Variants in FAM81B observed in about 807,000 individuals in gnomAD.
FAM81B encodes the protein protein FAM81B.
Under a neutral mutation model 58.7 loss-of-function variants are expected in FAM81B, and 60 were observed. The ratio of observed to expected loss-of-function variants is 1.02; its 90% confidence interval spans 0.83 to 1.27. The LOEUF (loss-of-function observed/expected upper bound fraction) is 1.27. Ranked by LOEUF, FAM81B falls within the 50% of genes most tolerant of loss-of-function variation. The pLI is 0.00. For synonymous variants in FAM81B, 189 were observed against 179.6 expected, an observed-to-expected ratio of 1.05 and a Z score of -0.42; for missense variants, 491 against 522.0, an observed-to-expected ratio of 0.94 and a Z score of 0.58.
At chr5:95,429,675 T>C (rs116552527) in intron 6 of FAM81B, among the ~76,000 whole-genome samples, 1,926 of 152,318 alleles carry the variant, frequency 0.013, 42 homozygotes, top group African/African-American at 0.044. Flanking sequence ...AACATGGCAA[T>C]TTTATCTCTG....
intron 3 of FAM81B, among the ~76,000 whole-genome samples, chr5:95,403,029 T>C (rs554171567): frequency 9.6e-4 from 147 of 152,366 alleles, no homozygotes; most frequent in African/African-American, 3.4e-3. Flanking sequence ...TCATATTCCA[T>C]AGTTCACTAC....
intron 3 of FAM81B, among the ~76,000 whole-genome samples, chr5:95,410,111 G>A (rs946369173): frequency 3.9e-5 from 6 of 152,132 alleles, no homozygotes; most frequent in South Asian, 2.1e-4. Context: ...AGGCTATCTC[G>A]ATTTAAAAAA....
chr5:95,402,949 G>A (rs1260406387), intron 3 of FAM81B, among the ~76,000 whole-genome samples: 2 of 152,200 alleles, frequency 1.3e-5, no homozygotes, highest in Non-Finnish European at 2.9e-5. Flanking sequence ...TGGAGCCTGT[G>A]TTCTACCCTC....
At chr5:95,412,032 TGAA>T (rs1452183229) in intron 3 of FAM81B, among the ~76,000 whole-genome samples, 1 of 152,118 alleles carries the variant, frequency 6.6e-6, no homozygotes, top group Non-Finnish European at 1.5e-5. Flanking sequence ...ATTCAACGTT[TGAA>T]AAAGTATATT....
intron 3 of FAM81B, among the ~76,000 whole-genome samples, chr5:95,402,889 G>A (rs1263664427): frequency 2.0e-5 from 3 of 152,164 alleles, no homozygotes; most frequent in Non-Finnish European, 2.9e-5. Context: ...AATAGGCCTT[G>A]TTGGCCCTGT....
At chr5:95,443,371 C>T (rs950067425) in intron 7 of FAM81B, among the ~76,000 whole-genome samples, 2 of 152,004 alleles carry the variant, frequency 1.3e-5, no homozygotes, top group African/African-American at 4.8e-5. Context: ...AACCAATAGC[C>T]CTCATCATCC....
At chr5:95,430,171 T>C (rs1297389841) in intron 6 of FAM81B, among the ~76,000 whole-genome samples, 1 of 152,090 alleles carries the variant, frequency 6.6e-6, no homozygotes, top group African/African-American at 2.4e-5. Context: ...TTAAAGATAA[T>C]GCATACACAT....
chr5:95,408,740 T>G (rs984809613), intron 3 of FAM81B, among the ~76,000 whole-genome samples: 2 of 152,222 alleles, frequency 1.3e-5, no homozygotes, highest in African/African-American at 4.8e-5. Context: ...ATCATGAAGA[T>G]TCAATAGATG....
At chr5:95,398,689 G>A (rs1194946024) in intron 3 of FAM81B, among the ~76,000 whole-genome samples, 1 of 152,170 alleles carries the variant, frequency 6.6e-6, no homozygotes, top group Non-Finnish European at 1.5e-5. Flanking sequence ...ATCTAATAAT[G>A]CGTTTGGAGC....
intron 7 of FAM81B, among the ~76,000 whole-genome samples, chr5:95,439,234 G>C (rs1745220101): frequency 2.0e-5 from 1 of 51,164 alleles, no homozygotes; most frequent in Non-Finnish European, 3.9e-5. Flanking sequence ...CTAGGTTAAA[G>C]AGTATATATA....
In FAM81B at chr5:95,392,835, G is replaced by C; in HGVS notation, c.166G>C (p.Glu56Gln). The C allele has an allele frequency of 6.2e-7, 1 of 1,612,540 alleles. No homozygotes were observed. The highest frequency in any genetic ancestry group is 8.5e-7 in the Non-Finnish European group (1 of 1,179,368). ...NKSASPTATA[E>Q]EQPVEPDGPL... ...AAGTGCCTCTCCAACTGCGACTGCA[G>C]AGGAACAGCCAGTTGAACCTGATGG... The change falls in exon 2 of 10, where the codon GAG (glutamate) becomes CAG (glutamine). Residue 56 changes from glutamate to glutamine, a missense_variant. Physicochemically the swap from Glu to Gln is conservative, Grantham distance 29. Coordinates refer to ENST00000283357, the MANE Select transcript of FAM81B (RefSeq NM_152548.3).
At position 95,420,213 on chromosome 5, in the gene FAM81B, C is replaced by T. The variant is rs1228247981; in HGVS notation, c.538-71C>T. On this transcript the variant is annotated intron_variant, in intron 4 of 9. Transcript: ENST00000283357. ...TACAAAATGCATTCATTTAGGTAAC[C>T]CCTGCTTTAAATGATGTTTCCTTAT... 24 of 1,589,244 alleles carry T rather than the reference C, an allele frequency of 1.5e-5. No individual in the cohort carries two copies. In the South Asian group the frequency reaches 2.0e-4, roughly 13 times the overall value.
At chr5:95,393,512 A>G (rs750672084) in intron 2 of FAM81B, among the ~76,000 whole-genome samples, 1 of 152,324 alleles carries the variant, frequency 6.6e-6, no homozygotes, top group Middle Eastern at 3.4e-3. Flanking sequence ...AATTAGGCTT[A>G]TCATACAAAG....
At chr5:95,425,474 T>C (rs190824373) in intron 5 of FAM81B, among the ~76,000 whole-genome samples, 2 of 152,272 alleles carry the variant, frequency 1.3e-5, no homozygotes, top group East Asian at 3.9e-4. Context: ...AAAAAAAATG[T>C]TATCTCAACT....
intron 7 of FAM81B, among the ~76,000 whole-genome samples, chr5:95,445,265 T>G (rs1347302293): frequency 6.6e-6 from 1 of 152,228 alleles, no homozygotes. Flanking sequence ...GTACCATACA[T>G]TGTAAGACAG....
intron 6 of FAM81B, among the ~76,000 whole-genome samples, chr5:95,435,704 T>C (rs1357761693): frequency 6.6e-6 from 1 of 152,218 alleles, no homozygotes; most frequent in Non-Finnish European, 1.5e-5. Flanking sequence ...TCTTCATCTA[T>C]AAAGATGACC....
intron 6 of FAM81B, among the ~76,000 whole-genome samples, chr5:95,436,061 A>G (rs1431558601): frequency 6.6e-6 from 1 of 152,208 alleles, no homozygotes; most frequent in Non-Finnish European, 1.5e-5. Flanking sequence ...AAAGCCAATC[A>G]TGTAGTTTCA....
chr5:95,431,418 C>CT (rs1429841743), intron 6 of FAM81B, among the ~76,000 whole-genome samples: 1 of 151,894 alleles, frequency 6.6e-6, no homozygotes, highest in African/African-American at 2.4e-5. Flanking sequence ...CCACTACGTT[C>CT]TTTTTTCAGT....
chr5:95,420,478 T>G, intron 5 of FAM81B, 76 bp downstream of exon 5: 1 of 1,584,272 alleles, frequency 6.3e-7, no homozygotes, highest in Non-Finnish European at 8.6e-7. Context: ...ACAAGCTCCA[T>G]GCTGTGGAAA....
Sources: allele counts gnomAD v4.1 joint callset (sites outside exome capture counted in the v4.1 genomes callset), GRCh38; gene constraint gnomAD v4.1.1; transcripts MANE v1.5; gene names NCBI Gene and HGNC (gene_info 2026-07-23, HGNC 2026-07-21).